ZFHX3: variants seen among roughly 807,000 people sequenced by gnomAD.
ZFHX3 encodes zinc finger homeobox protein 3.
In ZFHX3, 42 loss-of-function variants were observed where a neutral mutation model predicts 279.1. The observed-to-expected ratio is 0.15, with a 90% CI of 0.12 to 0.19. ZFHX3 has a LOEUF of 0.19. Ranked by LOEUF, ZFHX3 falls within the 10% of genes least tolerant of loss-of-function variation. The pLI is 1.00. For synonymous variants in ZFHX3, 2,293 were observed against 1,957.8 expected, an observed-to-expected ratio of 1.17 and a Z score of -4.52; for missense variants, 4,981 against 4,754.0, an observed-to-expected ratio of 1.05 and a Z score of -1.40.
intron 5 of ZFHX3, among the ~76,000 whole-genome samples, chr16:72,823,773 C>G (rs182191461): frequency 6.6e-6 from 1 of 152,130 alleles, no homozygotes; most frequent in African/African-American, 2.4e-5. Flanking sequence ...TTGGTCCAAC[C>G]TGCCACTTTA....
At chr16:73,593,590 G>A (rs1293982400) in intron 2 of ZFHX3, among the ~76,000 whole-genome samples, 2 of 150,538 alleles carry the variant, frequency 1.3e-5, no homozygotes, top group Admixed American at 1.3e-4. Context: ...GAGGGAGGGA[G>A]GGAGGGAGGG....
chr16:73,780,709 T>G (rs1959439719), intron 1 of ZFHX3, among the ~76,000 whole-genome samples: 1 of 152,222 alleles, frequency 6.6e-6, no homozygotes, highest in Admixed American at 6.5e-5. Context: ...CCCAAAGAGC[T>G]GGGATTACAG....
At chr16:73,821,645 GA>G (rs1960742997) in intron 1 of ZFHX3, among the ~76,000 whole-genome samples, 1 of 152,218 alleles carries the variant, frequency 6.6e-6, no homozygotes, top group Non-Finnish European at 1.5e-5. Flanking sequence ...TGTCTGCCCT[GA>G]ATAGTCTGAG....
intron 5 of ZFHX3, among the ~76,000 whole-genome samples, chr16:73,172,400 T>G (rs935117401): frequency 2.6e-5 from 4 of 152,180 alleles, no homozygotes; most frequent in Admixed American, 1.3e-4. Context: ...GGCCGAACTT[T>G]CCCATGCCAC....
chr16:73,008,001 G>C lies in ZFHX3; in HGVS notation c.-50+39751C>G, dbSNP rs190658317. The stretch of plus-strand genomic sequence containing the variant: ...TCTCTTTTCTTAATTAAACATGATA[G>C]TGATTTGGTCTACTTCCTTGGCCTT... On this transcript the variant is annotated intron_variant, in intron 1 of 9. Transcript: ENST00000268489. Among the ~76,000 whole-genome samples the C allele has an allele frequency of 2.7e-3, 406 of 152,192 alleles. 1 individual carries two copies. Among genetic ancestry groups the C allele is most frequent in the African/African-American group, 9.2e-3 (382 of 41,540 alleles).
chr16:73,171,518 C>T (rs539646584), intron 5 of ZFHX3, among the ~76,000 whole-genome samples: 31 of 144,068 alleles, frequency 2.2e-4, no homozygotes, highest in African/African-American at 7.2e-4. Context: ...GGGGGGCGGG[C>T]AGAGTGAACC....
chr16:73,752,092 G>A (rs769243369), intron 1 of ZFHX3, among the ~76,000 whole-genome samples: 2 of 152,134 alleles, frequency 1.3e-5, no homozygotes, highest in Non-Finnish European at 2.9e-5. Context: ...ATGGAGCTGT[G>A]GTCCAGAGAG....
chr16:73,738,947 C>T (rs2053630913), intron 1 of ZFHX3, among the ~76,000 whole-genome samples: 1 of 152,074 alleles, frequency 6.6e-6, no homozygotes, highest in Non-Finnish European at 1.5e-5. Flanking sequence ...CGTCTATAAC[C>T]TCTTCTCCTC....
At chr16:72,960,844 A>G (rs1184051926) in intron 1 of ZFHX3, among the ~76,000 whole-genome samples, 5 of 152,186 alleles carry the variant, frequency 3.3e-5, no homozygotes, top group African/African-American at 9.7e-5. Flanking sequence ...CACACTCCGA[A>G]AAGTCCTCTC....
intron 2 of ZFHX3, among the ~76,000 whole-genome samples, chr16:73,677,244 T>C (rs1375359232): frequency 6.6e-6 from 1 of 151,828 alleles, no homozygotes; most frequent in African/African-American, 2.4e-5. Flanking sequence ...CATGATGTCA[T>C]AAAATCAACC....
At chr16:73,442,501 T>C (rs1286833712) in intron 3 of ZFHX3, among the ~76,000 whole-genome samples, 2 of 152,148 alleles carry the variant, frequency 1.3e-5, no homozygotes, top group African/African-American at 2.4e-5. Context: ...ACAATATCTT[T>C]AGTATCTTTT....
At chr16:73,777,302 G>C (rs1448339707) in intron 1 of ZFHX3, among the ~76,000 whole-genome samples, 1 of 152,008 alleles carries the variant, frequency 6.6e-6, no homozygotes, top group Non-Finnish European at 1.5e-5. Context: ...AGGAGTTCAA[G>C]ACCAGCCCAG....
At chr16:73,751,682 A>G (rs1049245021) in intron 1 of ZFHX3, among the ~76,000 whole-genome samples, 28 of 152,312 alleles carry the variant, frequency 1.8e-4, no homozygotes, top group African/African-American at 5.5e-4. Context: ...ATTGTTCAGA[A>G]ATTAGAAGTT....
rs531913219 is a variant in ZFHX3, at chr16:72,784,927, GAA to G, written c.*2235_*2236del. ...TAGTCCCGGCTAAAAAAGAAAAAAA[GAA>G]AAAAAATCCATTTTCAGATCTTGGA... On this transcript the variant is annotated 3_prime_UTR_variant, in exon 10 of 10. Coordinates refer to ENST00000268489, the MANE Select transcript of ZFHX3 (RefSeq NM_006885.4). 6.6e-6 allele frequency: 1 copy of G among 152,150 alleles called. No homozygotes were observed. Among genetic ancestry groups the G allele is most frequent in the African/African-American group, 2.4e-5 (1 of 41,352 alleles). The allele number at this position is 152,150 out of a possible 1,614,324, so 9.4% of individuals were successfully genotyped here.
chr16:73,604,952 A>C (rs1290010333), intron 2 of ZFHX3, among the ~76,000 whole-genome samples: 1 of 152,028 alleles, frequency 6.6e-6, no homozygotes, highest in Non-Finnish European at 1.5e-5. Context: ...CTGTTCTTTT[A>C]AAATTCTACT....
At chr16:72,930,509 A>G (rs920162980) in intron 3 of ZFHX3, among the ~76,000 whole-genome samples, 3 of 152,330 alleles carry the variant, frequency 2.0e-5, no homozygotes, top group East Asian at 3.9e-4. Context: ...CTCGAGGCCC[A>G]AAGTCCTAAG....
chr16:73,060,149 A>C (rs1227926149), upstream of ZFHX3: 1 of 151,928 alleles, frequency 6.6e-6, no homozygotes, highest in Non-Finnish European at 1.5e-5. Context: ...ATAAGAGAGA[A>C]AGCCAATATA....
chr16:73,005,927 T>G (rs1963688599), intron 1 of ZFHX3: 1 of 152,244 alleles, frequency 6.6e-6, no homozygotes, highest in South Asian at 2.1e-4. Flanking sequence ...TCCATCCCAC[T>G]GAGTGATCTC....
intron 2 of ZFHX3, among the ~76,000 whole-genome samples, chr16:73,578,734 T>A (rs966572481): frequency 3.3e-5 from 5 of 152,206 alleles, no homozygotes; most frequent in Admixed American, 6.5e-5. Flanking sequence ...TTATTTTTTT[T>A]ATGAAACTTT....
Sources: gnomAD v4.1 joint callset for allele counts (sites outside exome capture counted in the v4.1 genomes callset) on GRCh38, gnomAD v4.1.1 for gene constraint, MANE v1.5 for transcripts, NCBI Gene and HGNC (gene_info 2026-07-23, HGNC 2026-07-21) for gene names.